The following UGGT2 variants were observed in gnomAD, a reference collection of about 807,000 sequenced individuals.
UGGT2 encodes UDP-glucose glycoprotein glucosyltransferase 2.
Under a neutral mutation model 192.1 loss-of-function variants are expected in UGGT2, and 180 were observed. That is an observed-to-expected ratio of 0.94 (90% CI 0.83 to 1.06). The LOEUF is 1.06. Among genes scored for constraint, UGGT2 ranks in the 50% least tolerant of loss-of-function variants. The probability of loss-of-function intolerance (pLI) is 0.00; values close to 1 mark genes in which losing one functional copy is unlikely to be tolerated. For missense variants in UGGT2, 1,849 were observed against 1,795.7 expected, an observed-to-expected ratio of 1.03 and a Z score of -0.54; for synonymous variants, 580 against 591.0, an observed-to-expected ratio of 0.98 and a Z score of 0.27.
chr13:95,980,091 C>T (rs2051068646), intron 10 of UGGT2, among the ~76,000 whole-genome samples: 1 of 152,074 alleles, frequency 6.6e-6, no homozygotes. Flanking sequence ...TGTGGAGATT[C>T]GTAAAAGCAG....
At chr13:95,979,519 T>C (rs2051045817) in intron 10 of UGGT2, among the ~76,000 whole-genome samples, 2 of 123,904 alleles carry the variant, frequency 1.6e-5, no homozygotes, top group Admixed American at 1.0e-4. Flanking sequence ...TAGGTAAATA[T>C]ATATTCTCAT....
intron 12 of UGGT2, among the ~76,000 whole-genome samples, chr13:95,949,755 G>A (rs1363604465): frequency 1.3e-5 from 2 of 152,144 alleles, no homozygotes; most frequent in Non-Finnish European, 2.9e-5. Context: ...ACTTAAGAGA[G>A]ATGAATATTT....
intron 22 of UGGT2, among the ~76,000 whole-genome samples, chr13:95,897,783 G>A (rs1211638441): frequency 6.6e-6 from 1 of 152,096 alleles, no homozygotes; most frequent in East Asian, 1.9e-4. Flanking sequence ...AAGGATAATT[G>A]AAATTACATT....
intron 2 of UGGT2, among the ~76,000 whole-genome samples, chr13:96,026,864 G>C (rs2052685916): frequency 6.6e-6 from 1 of 151,634 alleles, no homozygotes; most frequent in East Asian, 1.9e-4. Context: ...GTAGAGACGG[G>C]GTTTCACCTT....
chr13:96,053,379 C>T lies in UGGT2; in HGVS notation c.-67G>A, dbSNP rs1352999209. 1 of 1,520,842 alleles carries T rather than the reference C, an allele frequency of 6.6e-7. No individual in the cohort carries two copies. The highest frequency in any genetic ancestry group is 8.7e-7 in the Non-Finnish European group (1 of 1,144,384). 94.2% of individuals were successfully genotyped at this position (1,520,842 alleles called of 1,614,324 possible). A position where few individuals can be genotyped will look rare whatever the true frequency, so the allele number is the denominator to read the frequency against. ...ACAGTCTGTGGCCGCCACGCTTCGG[C>T]CGGCTCTTCCCGCTGCGCGGCTGCC... On this transcript the variant is annotated 5_prime_UTR_variant, in exon 1 of 39. Coordinates refer to ENST00000376747, the MANE Select transcript of UGGT2 (RefSeq NM_020121.4).
At chr13:95,832,117 C>A (rs914060141) in intron 38 of UGGT2, among the ~76,000 whole-genome samples, 1 of 150,108 alleles carries the variant, frequency 6.7e-6, no homozygotes, top group Non-Finnish European at 1.5e-5. Context: ...ATAATCATTT[C>A]GGCTTCCCTA....
intron 25 of UGGT2, among the ~76,000 whole-genome samples, chr13:95,889,643 C>G (rs1466542221): frequency 6.6e-6 from 1 of 152,156 alleles, no homozygotes; most frequent in African/African-American, 2.4e-5. Context: ...CTACTGAAGG[C>G]TGCATTCTAA....
At chr13:95,955,144 G>A (rs918715308) in intron 12 of UGGT2, among the ~76,000 whole-genome samples, 1 of 152,120 alleles carries the variant, frequency 6.6e-6, no homozygotes, top group African/African-American at 2.4e-5. Flanking sequence ...AACCATGATT[G>A]GTATTTGTAG....
chr13:95,924,375 G>A (rs1277412825), intron 20 of UGGT2, among the ~76,000 whole-genome samples: 3 of 103,818 alleles, frequency 2.9e-5, no homozygotes, highest in Non-Finnish European at 5.8e-5. Context: ...CCCAATAGAT[G>A]TAATAGATCC....
chr13:95,803,111 G>A (rs950557001), intron 38 of UGGT2, among the ~76,000 whole-genome samples: 3 of 152,170 alleles, frequency 2.0e-5, no homozygotes, highest in African/African-American at 7.2e-5. Flanking sequence ...TGGGATTACA[G>A]GCGTAAGCCA....
chr13:95,986,634 ATGAC>A (rs1383321647), intron 8 of UGGT2, among the ~76,000 whole-genome samples: 11 of 152,112 alleles, frequency 7.2e-5, no homozygotes, highest in Non-Finnish European at 1.3e-4. Flanking sequence ...ACTTTTATGA[ATGAC>A]TATTTAATAC....
At chr13:95,955,965 G>T (rs975881267) in intron 12 of UGGT2, among the ~76,000 whole-genome samples, 2 of 152,086 alleles carry the variant, frequency 1.3e-5, no homozygotes, top group Non-Finnish European at 2.9e-5. Context: ...TAATAGGGTC[G>T]CTGTGCAAAT....
intron 4 of UGGT2, among the ~76,000 whole-genome samples, chr13:96,022,732 T>G (rs1335202079): frequency 6.6e-6 from 1 of 151,948 alleles, no homozygotes; most frequent in African/African-American, 2.4e-5. Context: ...TCCCCAGGTA[T>G]ATATTCAGTT....
At chr13:95,874,311 AC>A (rs1299804559) in intron 29 of UGGT2, among the ~76,000 whole-genome samples, 1 of 152,154 alleles carries the variant, frequency 6.6e-6, no homozygotes, top group Middle Eastern at 3.2e-3. Context: ...TTTTTCCTAT[AC>A]ATACATGTCT....
At chr13:95,934,582 T>C (rs558668107) in intron 17 of UGGT2, among the ~76,000 whole-genome samples, 112 of 152,260 alleles carry the variant, frequency 7.4e-4, no homozygotes, top group African/African-American at 1.9e-3. Flanking sequence ...GAGTGGCAAG[T>C]TGGATAAAAA....
chr13:95,897,926 T>C (rs1444493094), intron 22 of UGGT2, among the ~76,000 whole-genome samples: 1 of 152,086 alleles, frequency 6.6e-6, no homozygotes, highest in African/African-American at 2.4e-5. Flanking sequence ...AACTGAATTC[T>C]CTTTCCTTCT....
chr13:95,899,152 T>C lies in UGGT2; in HGVS notation c.2634+1655A>G, dbSNP rs544103601. On this transcript the variant is annotated intron_variant, in intron 22 of 38. Coordinates refer to ENST00000376747, the MANE Select transcript of UGGT2 (RefSeq NM_020121.4). ...GTAAAAACAGAGCAACAAGGAGCCATCCTGGAAGCAGAGAGCAGCCCTCAC... is the reference window on the plus strand; with the variant it reads ...GTAAAAACAGAGCAACAAGGAGCCACCCTGGAAGCAGAGAGCAGCCCTCAC... Among the ~76,000 whole-genome samples the C allele has an allele frequency of 2.0e-5, 3 of 152,308 alleles. No homozygotes were observed. In the South Asian group the frequency reaches 6.2e-4, roughly 32 times the overall value.
At chr13:96,043,950 G>A (rs2053235767) in intron 1 of UGGT2, among the ~76,000 whole-genome samples, 1 of 152,080 alleles carries the variant, frequency 6.6e-6, no homozygotes, top group Non-Finnish European at 1.5e-5. Context: ...GCACTAGACA[G>A]GTCATCAAGA....
At chr13:95,928,872 G>A (rs557382055) in intron 17 of UGGT2, among the ~76,000 whole-genome samples, 192 of 152,266 alleles carry the variant, frequency 1.3e-3, no homozygotes, top group South Asian at 3.1e-3. Flanking sequence ...GTAGTGAGCC[G>A]AGATCATGCC....
Sources: allele counts gnomAD v4.1 joint callset (sites outside exome capture counted in the v4.1 genomes callset), GRCh38; gene constraint gnomAD v4.1.1; transcripts MANE v1.5; gene names NCBI Gene and HGNC (gene_info 2026-07-23, HGNC 2026-07-21).